The following BMPR1B variants were observed in gnomAD, a reference collection of about 807,000 sequenced individuals.
BMPR1B encodes the protein bone morphogenetic protein receptor type-1B.
A neutral mutation model predicts 59.1 loss-of-function variants in BMPR1B; 12 were observed. The ratio of observed to expected loss-of-function variants is 0.20; its 90% CI spans 0.13 to 0.33. The LOEUF is 0.33. BMPR1B is among the 10% of genes least tolerant of loss of function. The probability of loss-of-function intolerance (pLI) is 1.00; values close to 1 mark genes in which losing one functional copy is unlikely to be tolerated. For synonymous variants in BMPR1B, 237 were observed against 207.3 expected, an observed-to-expected ratio of 1.14 and a Z score of -1.23; for missense variants, 550 against 610.9, an observed-to-expected ratio of 0.90 and a Z score of 1.05.
At chr4:95,097,006 AATTGTAT>A (rs1730461200) in intron 3 of BMPR1B, among the ~76,000 whole-genome samples, 1 of 144,374 alleles carries the variant, frequency 6.9e-6, no homozygotes, top group Non-Finnish European at 1.5e-5. Flanking sequence ...ATATGATATA[AATTGTAT>A]ATTATATATA....
At chr4:94,872,127 T>C (rs1463705549) in intron 1 of BMPR1B, among the ~76,000 whole-genome samples, 4 of 152,212 alleles carry the variant, frequency 2.6e-5, no homozygotes, top group African/African-American at 4.8e-5. Flanking sequence ...ATCCAGGCAG[T>C]GAGGTCTGCT....
At chr4:94,891,987 C>T (rs1727415046) in intron 2 of BMPR1B, among the ~76,000 whole-genome samples, 1 of 152,108 alleles carries the variant, frequency 6.6e-6, no homozygotes, top group Admixed American at 6.6e-5. Flanking sequence ...TTGAGTCCCT[C>T]TGACATATAA....
intron 2 of BMPR1B, among the ~76,000 whole-genome samples, chr4:94,968,512 G>T (rs906552165): frequency 2.6e-5 from 4 of 152,090 alleles, no homozygotes; most frequent in Non-Finnish European, 5.9e-5. Context: ...GAGAAAATTT[G>T]CACTGCTTGT....
rs757204543 is a variant in BMPR1B at position 95,130,011 on chromosome 4, A to G, written c.735A>G (p.Thr245=). 5 of 1,613,882 alleles carry G rather than the reference A, an allele frequency of 3.1e-6. No homozygotes were observed. The highest frequency in any genetic ancestry group is 4.2e-6 in the Non-Finnish European group (5 of 1,179,912). The part of the protein sequence containing the change: ...TTEEASWFRE[T]EIYQTVLMRH... ...AGGAAGCCAGCTGGTTCAGAGAGAC[A>G]GAAATATATCAGACAGTGTTGATGA... Residue 245 remains threonine (T), a synonymous_variant, in exon 9 of 13, where the codon ACA becomes ACG. Transcript: ENST00000515059.
intron 2 of BMPR1B, among the ~76,000 whole-genome samples, chr4:94,976,794 A>G (rs1451598335): frequency 6.6e-6 from 1 of 152,122 alleles, no homozygotes; most frequent in African/African-American, 2.4e-5. Context: ...TATATTCCAT[A>G]CTGACTCTGA....
chr4:95,108,039 C>T (rs780412170), intron 4 of BMPR1B, among the ~76,000 whole-genome samples: 6 of 151,932 alleles, frequency 3.9e-5, no homozygotes, highest in Non-Finnish European at 8.8e-5. Context: ...TTTCTCTCCA[C>T]AATAAATTGT....
chr4:95,154,323 T>G (rs1370378105), intron 12 of BMPR1B, among the ~76,000 whole-genome samples: 2 of 152,220 alleles, frequency 1.3e-5, no homozygotes, highest in Non-Finnish European at 2.9e-5. Context: ...CTTTCTACAA[T>G]CAGCAGAACC....
At chr4:94,871,000 G>A (rs1055484649) in intron 1 of BMPR1B, among the ~76,000 whole-genome samples, 1 of 151,456 alleles carries the variant, frequency 6.6e-6, no homozygotes, top group Non-Finnish European at 1.5e-5. Flanking sequence ...TTTTTTTGGC[G>A]GGGGGGCGGG....
At chr4:94,775,432 A>G (rs1722330654) in intron 1 of BMPR1B, among the ~76,000 whole-genome samples, 1 of 152,218 alleles carries the variant, frequency 6.6e-6, no homozygotes, top group South Asian at 2.1e-4. Flanking sequence ...TAAGTGCCTA[A>G]TTTCAAAAAC....
chr4:94,993,633 T>A, intron 2 of BMPR1B, among the ~76,000 whole-genome samples: 1 of 151,942 alleles, frequency 6.6e-6, no homozygotes, highest in East Asian at 1.9e-4. Context: ...TGGTGGCACA[T>A]GCCTGTTGTC....
rs184666188 is a variant in BMPR1B, at chr4:94,853,039, G to C, written c.-182-22792G>C. 3.9e-5 allele frequency among the ~76,000 whole-genome samples: 6 copies of C among 152,210 alleles called. No homozygotes were observed. The East Asian group carries it at 1.2e-3, about 29-fold the overall frequency. On this transcript the variant is annotated intron_variant, in intron 1 of 12. Coordinates refer to ENST00000515059, the MANE Select transcript of BMPR1B (RefSeq NM_001203.3). ...TTAGAACCTAATATATTGTGGATTC[G>C]TGGTCCCCAGCCTGGAGTTTCCAGA... is the stretch of plus-strand genomic sequence containing the variant.
chr4:95,085,476 A>G (rs927681846), intron 3 of BMPR1B, among the ~76,000 whole-genome samples: 22 of 152,294 alleles, frequency 1.4e-4, no homozygotes, highest in African/African-American at 5.3e-4. Context: ...CCACTGGAAA[A>G]CAAGAAATCA....
At chr4:94,897,133 C>T (rs892472509) in intron 2 of BMPR1B, among the ~76,000 whole-genome samples, 1 of 151,982 alleles carries the variant, frequency 6.6e-6, no homozygotes, top group African/African-American at 2.4e-5. Flanking sequence ...GCTGCCTGCT[C>T]TCCATGACAA....
intron 3 of BMPR1B, among the ~76,000 whole-genome samples, chr4:95,055,444 G>A (rs1726849182): frequency 6.6e-6 from 1 of 152,086 alleles, no homozygotes; most frequent in Admixed American, 6.6e-5. Flanking sequence ...TTACCATATG[G>A]CAAAATATAC....
chr4:94,794,580 A>G (rs1255474042), intron 1 of BMPR1B, among the ~76,000 whole-genome samples: 1 of 141,022 alleles, frequency 7.1e-6, no homozygotes, highest in East Asian at 2.0e-4. Flanking sequence ...CTTGATGGGG[A>G]TGGCATTGAA....
chr4:94,998,534 C>G (rs1284183335), intron 3 of BMPR1B, among the ~76,000 whole-genome samples: 1 of 151,976 alleles, frequency 6.6e-6, no homozygotes, highest in East Asian at 1.9e-4. Flanking sequence ...CCACCATTCC[C>G]AGCTAATTTT....
At chr4:94,913,334 A>G (rs28452896) in intron 2 of BMPR1B, among the ~76,000 whole-genome samples, 1 of 152,214 alleles carries the variant, frequency 6.6e-6, no homozygotes, top group Non-Finnish European at 1.5e-5. Context: ...AACAACAGCA[A>G]AAACTCTTGG....
chr4:94,874,428 C>T (rs1402522046), intron 1 of BMPR1B, among the ~76,000 whole-genome samples: 1 of 152,110 alleles, frequency 6.6e-6, no homozygotes, highest in Non-Finnish European at 1.5e-5. Context: ...TGCTCTCAGT[C>T]TTCTCCTTTA....
chr4:95,112,625 T>C (rs1731707953), intron 4 of BMPR1B, among the ~76,000 whole-genome samples: 1 of 152,122 alleles, frequency 6.6e-6, no homozygotes, highest in Non-Finnish European at 1.5e-5. Context: ...CAACTAAATA[T>C]TTGATTCCTT....
Sources: gnomAD v4.1 joint callset for allele counts (sites outside exome capture counted in the v4.1 genomes callset) on GRCh38, gnomAD v4.1.1 for gene constraint, MANE v1.5 for transcripts, NCBI Gene and HGNC (gene_info 2026-07-23, HGNC 2026-07-21) for gene names.